The following PRKCH variants were observed in gnomAD, a reference collection of about 807,000 sequenced individuals.
The protein encoded by PRKCH is protein kinase C eta.
PRKCH carries 28 observed loss-of-function variants against 82.5 expected under a neutral mutation model. The ratio of observed to expected loss-of-function variants is 0.34; its 90% confidence interval spans 0.25 to 0.47. The LOEUF is 0.47. Among genes scored for constraint, PRKCH ranks in the 20% least tolerant of loss-of-function variants. The pLI, the probability that PRKCH is intolerant of heterozygous loss-of-function variation, is 1.00. For synonymous variants in PRKCH, 322 were observed against 327.4 expected (o/e 0.98, Z 0.18); for missense variants, 705 against 881.8 (o/e 0.80, Z 2.54).
chr14:61,408,908 G>T (rs894955794), intron 2 of PRKCH, among the ~76,000 whole-genome samples: 4 of 152,180 alleles, frequency 2.6e-5, no homozygotes, highest in African/African-American at 9.7e-5. Flanking sequence ...CTTTTTGTAG[G>T]AGCTATCAAC....
At chr14:61,420,973 A>G (rs895136648) in intron 2 of PRKCH, among the ~76,000 whole-genome samples, 4 of 152,124 alleles carry the variant, frequency 2.6e-5, no homozygotes, top group Non-Finnish European at 5.9e-5. Flanking sequence ...ATTTGAAATT[A>G]GTTTGATTTA....
At chr14:61,378,170 G>T (rs1378594021) in intron 1 of PRKCH, among the ~76,000 whole-genome samples, 1 of 151,232 alleles carries the variant, frequency 6.6e-6, no homozygotes, top group Non-Finnish European at 1.5e-5. Context: ...GTAAAGCTTC[G>T]CCCTAGCCCA....
intron 9 of PRKCH, among the ~76,000 whole-genome samples, chr14:61,461,338 G>A (rs1032106065): frequency 6.6e-6 from 1 of 152,230 alleles, no homozygotes; most frequent in Non-Finnish European, 1.5e-5. Flanking sequence ...GAATAGAGGA[G>A]TGGAGTTACA....
chr14:61,423,556 A>G (rs920718369), intron 2 of PRKCH, among the ~76,000 whole-genome samples: 1 of 152,200 alleles, frequency 6.6e-6, no homozygotes, highest in Non-Finnish European at 1.5e-5. Flanking sequence ...GTTTGGCTTT[A>G]GAAAAGTGAG....
At chr14:61,526,778 G>A (rs1043059789) in intron 10 of PRKCH, among the ~76,000 whole-genome samples, 10 of 152,362 alleles carry the variant, frequency 6.6e-5, no homozygotes, top group South Asian at 4.1e-4. Context: ...CTGAGGAGAC[G>A]CCACAGCGAG....
intron 1 of PRKCH, among the ~76,000 whole-genome samples, chr14:61,364,008 G>GTATATATATAA (rs1345799446): frequency 2.1e-5 from 3 of 145,018 alleles, no homozygotes; most frequent in African/African-American, 7.6e-5. Flanking sequence ...ATATATATTT[G>GTATATATATAA]TGTGTATATA....
intron 1 of PRKCH, among the ~76,000 whole-genome samples, chr14:61,361,403 A>G (rs17098274): frequency 0.041 from 6,202 of 152,302 alleles, 363 homozygotes; most frequent in African/African-American, 0.13. Context: ...GTGTAGGCAG[A>G]GCAGCTTTCT....
At chr14:61,535,353 G>GA (rs1355045380) in intron 12 of PRKCH, among the ~76,000 whole-genome samples, 6 of 152,040 alleles carry the variant, frequency 3.9e-5, no homozygotes, top group Admixed American at 3.9e-4. Flanking sequence ...AATTTAATGA[G>GA]AAAAAAATAA....
At chr14:61,338,929 T>C (rs977209460) in intron 1 of PRKCH, among the ~76,000 whole-genome samples, 3 of 152,190 alleles carry the variant, frequency 2.0e-5, no homozygotes, top group Admixed American at 6.5e-5. Context: ...TGTCAAGATA[T>C]TAAATGACTG....
At chr14:61,346,889 T>C (rs2045999264) in intron 1 of PRKCH, among the ~76,000 whole-genome samples, 1 of 152,248 alleles carries the variant, frequency 6.6e-6, no homozygotes, top group Non-Finnish European at 1.5e-5. Flanking sequence ...GAGTTATTTT[T>C]CCAAAGCATT....
intron 12 of PRKCH, among the ~76,000 whole-genome samples, chr14:61,538,391 GA>G (rs2140023046): frequency 6.6e-6 from 1 of 152,282 alleles, no homozygotes; most frequent in South Asian, 2.1e-4. Context: ...GCAGAAAACA[GA>G]AAAACACTGC....
At chr14:61,523,957 C>T (rs542451231) in intron 10 of PRKCH, among the ~76,000 whole-genome samples, 12 of 152,270 alleles carry the variant, frequency 7.9e-5, no homozygotes, top group Admixed American at 2.0e-4. Flanking sequence ...TGGCAGGTGC[C>T]GAGGCTGTGT....
intron 10 of PRKCH, among the ~76,000 whole-genome samples, chr14:61,495,678 T>G (rs531064654): frequency 6.6e-6 from 1 of 152,160 alleles, no homozygotes; most frequent in African/African-American, 2.4e-5. Context: ...AACAAATAAT[T>G]TTTTTGTTGT....
At chr14:61,283,760 G>T (rs1018927360) in intron 1 of PRKCH, among the ~76,000 whole-genome samples, 1 of 151,992 alleles carries the variant, frequency 6.6e-6, no homozygotes, top group Non-Finnish European at 1.5e-5. Context: ...GAGGTGGGAG[G>T]ATAGCTTTAA....
chr14:61,349,914 T>C (rs115725806), intron 1 of PRKCH, among the ~76,000 whole-genome samples: 3,744 of 152,172 alleles, frequency 0.025, 145 homozygotes, highest in African/African-American at 0.085. Context: ...TTCACTCTTA[T>C]GTTCATGGTT....
chr14:61,542,302 CAAAA>C (rs2043198275), intron 12 of PRKCH, among the ~76,000 whole-genome samples: 1 of 146,880 alleles, frequency 6.8e-6, no homozygotes, highest in East Asian at 2.0e-4. Flanking sequence ...CAAAAAAAAA[CAAAA>C]CAAACAAAAA....
In PRKCH at chr14:61,329,234, C is replaced by CTTTTTTTTTTTTTTTTTT. The variant is rs71117812; in HGVS notation, c.363+6773_363+6790dup. Among the ~76,000 whole-genome samples the CTTTTTTTTTTTTTTTTTT allele has an allele frequency of 3.6e-4, 23 of 63,466 alleles. 5 individuals are homozygous for CTTTTTTTTTTTTTTTTTT. The highest frequency in any genetic ancestry group is 1.4e-3 in the African/African-American group (20 of 14,772). 41.6% of individuals were successfully genotyped at this position (63,466 alleles called of 152,430 possible). ...ACTGCTCTTAGATAAACTCCTGAGT[C>CTTTTTTTTTTTTTTTTTT]TTTTTTTTTTTTTTTTTTTTGAGAC... On this transcript the variant is annotated intron_variant, in intron 1 of 13. Transcript: ENST00000332981.
At chr14:61,201,199 A>C (rs1566778440) in intron 1 of PRKCH, among the ~76,000 whole-genome samples, 1 of 152,208 alleles carries the variant, frequency 6.6e-6, no homozygotes, top group African/African-American at 2.4e-5. Flanking sequence ...ATGAACACTT[A>C]TTGACATTTT....
intron 1 of PRKCH, among the ~76,000 whole-genome samples, chr14:61,350,815 A>G (rs2181987): frequency 0.097 from 14,719 of 152,230 alleles, 847 homozygotes; most frequent in African/African-American, 0.15. Context: ...AAAGTCCCCA[A>G]TAACTTTGCT....
Sources: allele counts gnomAD v4.1 joint callset (sites outside exome capture counted in the v4.1 genomes callset), GRCh38; gene constraint gnomAD v4.1.1; transcripts MANE v1.5; gene names NCBI Gene and HGNC (gene_info 2026-07-23, HGNC 2026-07-21).